Variants in EYA2 observed in about 807,000 individuals in gnomAD.
EYA2 encodes the protein EYA transcriptional coactivator and phosphatase 2.
EYA2 carries 31 observed loss-of-function variants against 69.2 expected under a neutral mutation model. The ratio of observed to expected loss-of-function variants is 0.45; its 90% CI spans 0.34 to 0.60. The LOEUF (loss-of-function observed/expected upper bound fraction) is 0.60. EYA2 is among the 20% of genes least tolerant of loss of function. The pLI is 0.02. For missense variants in EYA2, 622 were observed against 701.2 expected, an observed-to-expected ratio of 0.89 and a Z score of 1.28; for synonymous variants, 257 against 279.4, an observed-to-expected ratio of 0.92 and a Z score of 0.80.
intron 9 of EYA2, among the ~76,000 whole-genome samples, chr20:47,116,503 T>C (rs2032898515): frequency 6.6e-6 from 1 of 152,122 alleles, no homozygotes; most frequent in South Asian, 2.1e-4. Context: ...AAGGCTGGAA[T>C]TGAAACCTCA....
At chr20:47,016,439 G>T in intron 5 of EYA2, 142 bp downstream of exon 5, 1 of 653,726 alleles carries the variant, frequency 1.5e-6, no homozygotes, top group South Asian at 1.8e-5. Context: ...AAATAGATAC[G>T]AGATCTGCCT....
intron 3 of EYA2, among the ~76,000 whole-genome samples, 193 bp downstream of exon 3, chr20:47,001,666 G>T (rs1266967547): frequency 1.3e-5 from 2 of 152,076 alleles, no homozygotes; most frequent in African/African-American, 4.8e-5. Context: ...GGGAGCGGGG[G>T]ACAGTCATGC....
rs2031420243 is a variant in EYA2 at position 47,074,126 on chromosome 20, C to T, written c.484-32C>T. On this transcript the variant is annotated intron_variant, in intron 6 of 15. Coordinates refer to ENST00000327619, the MANE Select transcript of EYA2 (RefSeq NM_005244.5). ...GCCCGAGCCCAGAAAGGCTTCCTCA[C>T]ATATGTCCTTGGTTTGTTTTTCTCT... is the stretch of plus-strand genomic sequence containing the variant. The T allele has an allele frequency of 7.7e-6, 12 of 1,565,034 alleles. 1 individual carries two copies. Among genetic ancestry groups the T allele is most frequent in the African/African-American group, 4.1e-5 (3 of 74,002 alleles).
chr20:46,980,574 T>C (rs1980769246), intron 1 of EYA2, among the ~76,000 whole-genome samples: 1 of 152,364 alleles, frequency 6.6e-6, no homozygotes, highest in African/African-American at 2.4e-5. Flanking sequence ...ATAATTGGGA[T>C]TTCATCCCCT....
intron 10 of EYA2, among the ~76,000 whole-genome samples, chr20:47,166,726 C>T (rs1270210125): frequency 1.3e-5 from 2 of 152,220 alleles, no homozygotes; most frequent in East Asian, 3.9e-4. Context: ...GTTCTCGGTG[C>T]TCTCATGCAG....
At chr20:47,041,408 A>G (rs1000271221) in intron 5 of EYA2, among the ~76,000 whole-genome samples, 5 of 152,206 alleles carry the variant, frequency 3.3e-5, no homozygotes, top group African/African-American at 1.2e-4. Flanking sequence ...AGCCCCCATC[A>G]CCAGTTTCTT....
In EYA2 at chr20:46,992,307, A is replaced by C. The variant is rs1361633033; in HGVS notation, c.109+2188A>C. On this transcript the variant is annotated intron_variant, in intron 2 of 15. Coordinates refer to ENST00000327619, the MANE Select transcript of EYA2 (RefSeq NM_005244.5). ...TTTACAGACGAGGAAACCAAAATGC[A>C]GAGAGGTTAAGCAGCTTGATTGAGA... Among the ~76,000 whole-genome samples the C allele has an allele frequency of 2.6e-5, 4 of 152,234 alleles. No individual in the cohort carries two copies. The East Asian group carries it at 7.7e-4, about 29-fold the overall frequency.
rs151195632 is a variant in EYA2, at chr20:47,077,459, A to AT, written c.661+3125dup. On this transcript the variant is annotated intron_variant, in intron 7 of 15. Coordinates refer to ENST00000327619, the MANE Select transcript of EYA2 (RefSeq NM_005244.5). ...TTGTCTTCTTTTCTGAAACCTACTG[A>AT]TGCTGTAGGGCTTTGCAGAAGCTAA... 4.7e-3 allele frequency among the ~76,000 whole-genome samples: 713 copies of AT among 152,300 alleles called. 7 individuals carry two copies. The highest frequency in any genetic ancestry group is 0.016 in the African/African-American group (663 of 41,562).
At chr20:47,076,070 A>G (rs771729165) in intron 7 of EYA2, among the ~76,000 whole-genome samples, 7 of 152,236 alleles carry the variant, frequency 4.6e-5, no homozygotes, top group Admixed American at 4.6e-4. Flanking sequence ...CATGGTGTAT[A>G]TATACCACAT....
Position 47,116,469 on chromosome 20 carries a change from C to T in EYA2, c.888+19301C>T, listed in dbSNP as rs181784616. Among the ~76,000 whole-genome samples, 917 of 152,232 alleles carry T rather than the reference C, an allele frequency of 6.0e-3. 13 individuals carry two copies. Among genetic ancestry groups the T allele is most frequent in the African/African-American group, 0.02 (823 of 41,532 alleles). On this transcript the variant is annotated intron_variant, in intron 9 of 15. Coordinates refer to ENST00000327619, the MANE Select transcript of EYA2 (RefSeq NM_005244.5). ...CTGGGATCATAGGCATGAGCCACTG[C>T]GCCCGGCCCACCATCCTTCTTAAAA...
At chr20:47,175,048 T>C (rs766422417) in intron 12 of EYA2, among the ~76,000 whole-genome samples, 48 of 152,314 alleles carry the variant, frequency 3.2e-4, no homozygotes, top group Non-Finnish European at 5.7e-4. Flanking sequence ...CCCATCCAGG[T>C]TAAGGCCCAG....
At chr20:46,930,248 T>C (rs1985608994) in intron 1 of EYA2, among the ~76,000 whole-genome samples, 1 of 152,252 alleles carries the variant, frequency 6.6e-6, no homozygotes. Flanking sequence ...ATGTACTATA[T>C]GACCTTTGGT....
intron 7 of EYA2, among the ~76,000 whole-genome samples, chr20:47,084,834 C>CT (rs34290555): frequency 0.012 from 1,329 of 112,418 alleles, 23 homozygotes; most frequent in African/African-American, 0.036. Context: ...CTGTTTCTTT[C>CT]TTTTTTTTTT....
At chr20:47,092,518 G>A (rs983226128) in intron 8 of EYA2, among the ~76,000 whole-genome samples, 14 of 152,070 alleles carry the variant, frequency 9.2e-5, no homozygotes, top group African/African-American at 1.2e-4. Flanking sequence ...GCAGAGCTTC[G>A]AAAACACAGA....
intron 9 of EYA2, among the ~76,000 whole-genome samples, chr20:47,117,816 G>C (rs765052522): frequency 9.9e-5 from 15 of 152,196 alleles, no homozygotes; most frequent in Non-Finnish European, 1.5e-4. Flanking sequence ...TTGAAATGTA[G>C]CTGTAATTCA....
intron 2 of EYA2, among the ~76,000 whole-genome samples, chr20:46,991,263 G>T (rs925170766): frequency 1.3e-5 from 2 of 152,222 alleles, no homozygotes; most frequent in Admixed American, 6.5e-5. Flanking sequence ...GTAGTAACAG[G>T]AAAGGACATA....
intron 9 of EYA2, among the ~76,000 whole-genome samples, chr20:47,122,438 C>T (rs568065706): frequency 2.0e-5 from 3 of 151,870 alleles, no homozygotes; most frequent in African/African-American, 7.2e-5. Flanking sequence ...GGTCTACAGG[C>T]ACCCGCCACC....
rs1172849736 is a variant in EYA2, at chr20:47,075,892, C to A, written c.661+1557C>A. Among the ~76,000 whole-genome samples, 4 of 152,244 alleles carry A rather than the reference C, an allele frequency of 2.6e-5. No individual in the cohort carries two copies. In the East Asian group the frequency reaches 7.7e-4, roughly 29 times the overall value. On this transcript the variant is annotated intron_variant, in intron 7 of 15. Coordinates refer to ENST00000327619, the MANE Select transcript of EYA2 (RefSeq NM_005244.5). ...CAAGTAGGTCCTTGGGTCTATTGTT[C>A]CCTTCTTTGTATCCATGTGTACTCA... is the stretch of plus-strand genomic sequence containing the variant.
chr20:47,122,712 C>T (rs1203092560), intron 9 of EYA2, among the ~76,000 whole-genome samples: 1 of 152,066 alleles, frequency 6.6e-6, no homozygotes, highest in Non-Finnish European at 1.5e-5. Context: ...CTACATCCAT[C>T]CTATGGGCCA....
Sources: gnomAD v4.1 joint callset for allele counts (sites outside exome capture counted in the v4.1 genomes callset) on GRCh38, gnomAD v4.1.1 for gene constraint, MANE v1.5 for transcripts, NCBI Gene and HGNC (gene_info 2026-07-23, HGNC 2026-07-21) for gene names.